ZRANB3: variants seen among roughly 807,000 people sequenced by gnomAD.
ZRANB3 encodes the protein zinc finger RANBP2-type containing 3.
ZRANB3 carries 125 observed loss-of-function variants against 133.8 expected under a neutral mutation model. The observed-to-expected ratio is 0.93, with a 90% confidence interval of 0.81 to 1.08. ZRANB3 has a LOEUF of 1.08. ZRANB3 is among the 50% of genes least tolerant of loss of function. ZRANB3 has a pLI of 0.00. For synonymous variants in ZRANB3, 387 were observed against 432.7 expected, an observed-to-expected ratio of 0.89 and a Z score of 1.31; for missense variants, 1,229 against 1,275.5, an observed-to-expected ratio of 0.96 and a Z score of 0.56.
At chr2:135,293,854 C>T (rs1226044197) in intron 8 of ZRANB3, among the ~76,000 whole-genome samples, 2 of 150,422 alleles carry the variant, frequency 1.3e-5, no homozygotes, top group Non-Finnish European at 3.0e-5. Context: ...TTGAGATAAT[C>T]ATGTGGTTTT....
chr2:135,277,897 C>T (rs1343329700), intron 8 of ZRANB3, among the ~76,000 whole-genome samples: 1 of 150,154 alleles, frequency 6.7e-6, no homozygotes, highest in African/African-American at 2.5e-5. Flanking sequence ...TGCTCTCCAG[C>T]CTGGGCAACA....
chr2:135,494,163 AAGGGAGGG>A (rs1156857573), intron 2 of ZRANB3, among the ~76,000 whole-genome samples: 3 of 43,226 alleles, frequency 6.9e-5, no homozygotes, highest in Non-Finnish European at 1.1e-4. Flanking sequence ...GGAAGGAAGG[AAGGGAGGG>A]AGGGAGGGAG....
In ZRANB3 at chr2:135,521,473, G is replaced by A. The variant is rs569600561; in HGVS notation, c.-8+9654C>T. Among the ~76,000 whole-genome samples, 12 of 152,180 alleles carry A rather than the reference G, an allele frequency of 7.9e-5. No individual in the cohort carries two copies. In the South Asian group the frequency reaches 2.1e-3, roughly 26 times the overall value. On this transcript the variant is annotated intron_variant, in intron 1 of 20. Transcript: ENST00000264159. ...CTTGAACCCGGGAGGCAGACATTAC[G>A]GTGAGCCAAGATCGTGCCACTGCAC... is the stretch of plus-strand genomic sequence containing the variant.
At chr2:135,248,188 G>C (rs922712243) in intron 12 of ZRANB3, among the ~76,000 whole-genome samples, 1 of 152,184 alleles carries the variant, frequency 6.6e-6, no homozygotes, top group African/African-American at 2.4e-5. Context: ...TGGCCAGACT[G>C]TTACATGGGT....
intron 11 of ZRANB3, among the ~76,000 whole-genome samples, chr2:135,268,016 C>G (rs1156902051): frequency 1.3e-5 from 2 of 152,134 alleles, no homozygotes; most frequent in African/African-American, 2.4e-5. Flanking sequence ...CTCACCAGAA[C>G]TCAACCATAC....
chr2:135,446,030 G>A (rs1320928991), intron 2 of ZRANB3, among the ~76,000 whole-genome samples: 2 of 151,222 alleles, frequency 1.3e-5, no homozygotes, highest in African/African-American at 4.9e-5. Flanking sequence ...CATGCTGAAA[G>A]CCTGTCTCTA....
Position 135,230,674 on chromosome 2 carries a change from T to G in ZRANB3, c.1793A>C (p.Lys598Thr). Residue 598 changes from lysine (K) to threonine (T), a missense_variant, in exon 13 of 21, where the codon AAG becomes ACG. Coordinates refer to ENST00000264159, the MANE Select transcript of ZRANB3 (RefSeq NM_032143.4). ...TTCCACGAGTGGAGTTCGGATTTGC[T>G]TGGACTGGGATGGTGTCTCTTCCGA... ...SPSEETPSQS[K>T]QIRTPLVESV... 1 of 1,613,600 alleles carries G rather than the reference T, an allele frequency of 6.2e-7. No individual in the cohort carries two copies. Among genetic ancestry groups the G allele is most frequent in the Middle Eastern group, 1.7e-4 (1 of 6,060 alleles).
intron 14 of ZRANB3, among the ~76,000 whole-genome samples, chr2:135,226,581 C>G (rs1694768302): frequency 6.6e-6 from 1 of 152,164 alleles, no homozygotes; most frequent in Admixed American, 6.5e-5. Context: ...CAGAACAAAA[C>G]TTCAAAGTGA....
chr2:135,365,305 A>G (rs951151891), intron 3 of ZRANB3, among the ~76,000 whole-genome samples: 20 of 152,144 alleles, frequency 1.3e-4, no homozygotes, highest in Non-Finnish European at 2.9e-5. Context: ...TTTTCACTTC[A>G]CAATCTACTT....
At chr2:135,496,779 A>T (rs1358563597) in intron 2 of ZRANB3, among the ~76,000 whole-genome samples, 1 of 152,210 alleles carries the variant, frequency 6.6e-6, no homozygotes, top group Non-Finnish European at 1.5e-5. Flanking sequence ...CCTAAACTAT[A>T]CACAGAAATT....
chr2:135,292,075 T>C (rs552498237), intron 8 of ZRANB3, among the ~76,000 whole-genome samples: 3 of 152,220 alleles, frequency 2.0e-5, no homozygotes, highest in Non-Finnish European at 4.4e-5. Context: ...TGTGTCTTTA[T>C]AGCAGCATGT....
At position 135,283,425 on chromosome 2, in the gene ZRANB3, A is replaced by G. The variant is rs565253499; in HGVS notation, c.967-7670T>C. ...GGAGATCGAGACCATCCTGGCTAAC[A>G]TGGTGAAACCCCATCTCTACTAAAA... On this transcript the variant is annotated intron_variant, in intron 8 of 20. Coordinates refer to ENST00000264159, the MANE Select transcript of ZRANB3 (RefSeq NM_032143.4). Among the ~76,000 whole-genome samples the G allele has an allele frequency of 9.9e-5, 15 of 152,200 alleles. No homozygotes were observed. In the East Asian group the frequency reaches 2.3e-3, roughly 24 times the overall value.
At chr2:135,336,496 T>C (rs1684377004) in intron 6 of ZRANB3, among the ~76,000 whole-genome samples, 1 of 152,144 alleles carries the variant, frequency 6.6e-6, no homozygotes, top group African/African-American at 2.4e-5. Context: ...AGGAAGTGAC[T>C]TGAGCTGAGT....
At chr2:135,236,484 A>T in intron 12 of ZRANB3, among the ~76,000 whole-genome samples, 1 of 152,184 alleles carries the variant, frequency 6.6e-6, no homozygotes, top group East Asian at 1.9e-4. Flanking sequence ...TTGCCAAGTC[A>T]ATCCTAAGCC....
At chr2:135,386,833 G>A (rs1687003025) in intron 3 of ZRANB3, among the ~76,000 whole-genome samples, 1 of 152,052 alleles carries the variant, frequency 6.6e-6, no homozygotes. Context: ...CACACACGGG[G>A]GCCTTTCGGG....
chr2:135,345,790 G>A lies in ZRANB3; in HGVS notation c.592-155C>T, dbSNP rs185137644. Among the ~76,000 whole-genome samples, 6 of 152,018 alleles carry A rather than the reference G, an allele frequency of 3.9e-5. 1 individual carries two copies. Among genetic ancestry groups the A allele is most frequent in the South Asian group, 2.1e-4 (1 of 4,818 alleles). On this transcript the variant is annotated intron_variant, in intron 5 of 20. Coordinates refer to ENST00000264159, the MANE Select transcript of ZRANB3 (RefSeq NM_032143.4). The stretch of plus-strand genomic sequence containing the variant: ...TCACTACTATTCATCAGGGATAACC[G>A]TTATCTGTTGTATAAATATACATTT...
At chr2:135,417,688 A>G (rs187035012) in intron 2 of ZRANB3, among the ~76,000 whole-genome samples, 1 of 152,222 alleles carries the variant, frequency 6.6e-6, no homozygotes, top group Non-Finnish European at 1.5e-5. Context: ...ATTATTCACA[A>G]TAACAAAGAC....
intron 2 of ZRANB3, among the ~76,000 whole-genome samples, chr2:135,479,699 C>T (rs1691675489): frequency 6.6e-6 from 1 of 151,874 alleles, no homozygotes; most frequent in Non-Finnish European, 1.5e-5. Context: ...TTGATACACG[C>T]ATACATAACA....
intron 8 of ZRANB3, among the ~76,000 whole-genome samples, chr2:135,294,349 T>A (rs1359610325): frequency 6.6e-6 from 1 of 152,348 alleles, no homozygotes; most frequent in East Asian, 1.9e-4. Flanking sequence ...GAGGAATTTA[T>A]CCATTTCTTC....
Sources: gnomAD v4.1 joint callset for allele counts (sites outside exome capture counted in the v4.1 genomes callset) on GRCh38, gnomAD v4.1.1 for gene constraint, MANE v1.5 for transcripts, NCBI Gene and HGNC (gene_info 2026-07-23, HGNC 2026-07-21) for gene names.